HYPK: variants seen among roughly 807,000 people sequenced by gnomAD.
HYPK encodes the protein huntingtin-interacting protein K.
A neutral mutation model predicts 13.9 loss-of-function variants in HYPK; 9 were observed. The ratio of observed to expected loss-of-function variants is 0.65; its 90% CI spans 0.39 to 1.13. The LOEUF is 1.13. Ranked by LOEUF, HYPK falls within the 50% of genes most tolerant of loss-of-function variation. The pLI, the probability that HYPK is intolerant of heterozygous loss-of-function variation, is 0.01. For missense variants in HYPK, 138 were observed against 157.6 expected (o/e 0.88, Z 0.67); for synonymous variants, 76 against 57.0 (o/e 1.33, Z -1.50).
Position 43,801,837 on chromosome 15 carries a change from T to C in HYPK, c.*31T>C. 6.3e-7 allele frequency: 1 copy of C among 1,592,854 alleles called. No individual in the cohort carries two copies. Among genetic ancestry groups the C allele is most frequent in the Non-Finnish European group, 8.6e-7 (1 of 1,162,002 alleles). ...GCTTTCTCAAATATACCTACTGGAT[T>C]AATTTATGGCAATAAAATTTTTTTT... On this transcript the variant is annotated 3_prime_UTR_variant, in exon 4 of 4. Coordinates refer to ENST00000442995, the MANE Select transcript of HYPK (RefSeq NM_016400.4).
Position 43,801,701 on chromosome 15 carries a change from T to C in HYPK, c.271-10T>C, listed in dbSNP as rs370699979. ...CCTGGGAACCTATGTAACATGATTT[T>C]TTTCTGCAGATGACTGAGATGGAGA... On this transcript the variant is annotated splice_polypyrimidine_tract_variant and intron_variant, in intron 3 of 3. Coordinates refer to ENST00000442995, the MANE Select transcript of HYPK (RefSeq NM_016400.4). 1.2e-5 allele frequency: 20 copies of C among 1,613,988 alleles called. No individual in the cohort carries two copies. The highest frequency in any genetic ancestry group is 1.4e-5 in the Non-Finnish European group (17 of 1,179,984).
rs1372195861 is a variant in HYPK at position 43,801,696 on chromosome 15, G to A, written c.271-15G>A. On this transcript the variant is annotated splice_polypyrimidine_tract_variant and intron_variant, in intron 3 of 3. Coordinates refer to ENST00000442995, the MANE Select transcript of HYPK (RefSeq NM_016400.4). The stretch of plus-strand genomic sequence containing the variant: ...TAATGCCTGGGAACCTATGTAACAT[G>A]ATTTTTTTCTGCAGATGACTGAGAT... 2 of 1,614,036 alleles carry A rather than the reference G, an allele frequency of 1.2e-6. No individual in the cohort carries two copies. The highest frequency in any genetic ancestry group is 8.5e-7 in the Non-Finnish European group (1 of 1,179,914).
chr15:43,803,348 G>GTGCTAC lies in HYPK; in HGVS notation c.*1546_*1551dup, dbSNP rs372770081. Among the ~76,000 whole-genome samples the GTGCTAC allele has an allele frequency of 1.3e-5, 2 of 152,064 alleles. No individual in the cohort carries two copies. The highest frequency in any genetic ancestry group is 4.8e-5 in the African/African-American group (2 of 41,406). ...GTTGAGGCTGCAGTGAGCTGAGATT[G>GTGCTAC]TGCTACTGCACTCCAGCCTGGGCGA... On this transcript the variant is annotated 3_prime_UTR_variant, in exon 4 of 4. Transcript: ENST00000442995.
In HYPK at chr15:43,800,660, CTG is replaced by C. The variant is rs774320585; in HGVS notation, c.39_40del (p.Glu14AspfsTer15). ...GGGGATGTGGAGCTGGAGTTGGAGA[CTG>C]AGACCAGTGGACCAGAGCGGCCTCC... On this transcript the variant is annotated frameshift_variant, in exon 1 of 4. Transcript: ENST00000442995. LOFTEE classifies it high-confidence loss of function. 3.7e-6 allele frequency: 6 copies of C among 1,614,106 alleles called. No homozygotes were observed. The highest frequency in any genetic ancestry group is 3.3e-5 in the Admixed American group (2 of 60,006).
intron 3 of HYPK, 23 bp downstream of exon 3, chr15:43,801,592 T>C (rs754646498): frequency 1.2e-6 from 2 of 1,611,774 alleles, no homozygotes; most frequent in Admixed American, 3.3e-5. Context: ...GCCTAACTAG[T>C]GTATGCGGAG....
chr15:43,802,277 AAT>A lies in HYPK; in HGVS notation c.*473_*474del, dbSNP rs200875229. ...GCTTGATTTTGAGTGATTAAAAAAA[AAT>A]AATTTGGCTGGGTGCTGTGGCTCAC... is the stretch of plus-strand genomic sequence containing the variant. On this transcript the variant is annotated 3_prime_UTR_variant, in exon 4 of 4. Coordinates refer to ENST00000442995, the MANE Select transcript of HYPK (RefSeq NM_016400.4). 9.4e-3 allele frequency: 1,460 copies of A among 156,110 alleles called. 18 individuals carry two copies. The highest frequency in any genetic ancestry group is 0.033 in the African/African-American group (1,361 of 41,576). The allele number at this position is 156,110 out of a possible 1,614,324, so 9.7% of individuals were successfully genotyped here.
At position 43,800,789 on chromosome 15, in the gene HYPK, G is replaced by T. The variant is rs756144346; in HGVS notation, c.162+5G>T. 5 of 1,604,892 alleles carry T rather than the reference G, an allele frequency of 3.1e-6. No individual in the cohort carries two copies. Among genetic ancestry groups the T allele is most frequent in the Non-Finnish European group, 4.3e-6 (5 of 1,174,532 alleles). ...CAGAGTTCCAATCTGGAGACGGTAA[G>T]GTTGGCCAAGAGCATGTCGGGGCGG... On this transcript the variant is annotated splice_donor_5th_base_variant and intron_variant, in intron 1 of 3. Transcript: ENST00000442995.
Position 43,800,599 on chromosome 15 carries a change from A to T in HYPK, c.-24A>T. The T allele has an allele frequency of 6.2e-7, 1 of 1,613,792 alleles. No individual in the cohort carries two copies. Among genetic ancestry groups the T allele is most frequent in the Non-Finnish European group, 8.5e-7 (1 of 1,179,904 alleles). ...CGGAAGTCGGCGTGAGGTGGGGCTT[A>T]TGCGGCGGCGTGGTGAAATAGATAT... is the stretch of plus-strand genomic sequence containing the variant. On this transcript the variant is annotated 5_prime_UTR_variant, in exon 1 of 4. The change abolishes an upstream ATG in the 5' untranslated region. Coordinates refer to ENST00000442995, the MANE Select transcript of HYPK (RefSeq NM_016400.4).
chr15:43,801,242 C>A, intron 2 of HYPK, 55 bp downstream of exon 2: 1 of 1,452,448 alleles, frequency 6.9e-7, no homozygotes, highest in Non-Finnish European at 9.7e-7. Flanking sequence ...GGTCCCCAGA[C>A]AAAAATAAAA....
At position 43,800,637 on chromosome 15, in the gene HYPK, G is replaced by T; in HGVS notation, c.15G>T (p.Gly5=). Residue 5 remains glycine (G), a synonymous_variant, in exon 1 of 4, where the codon GGG becomes GGT. Coordinates refer to ENST00000442995, the MANE Select transcript of HYPK (RefSeq NM_016400.4). MATE[G]DVELELETET... is the part of the protein sequence containing the mutation. ...GTGAAATAGATATGGCGACCGAGGG[G>T]GATGTGGAGCTGGAGTTGGAGACTG... is the stretch of plus-strand genomic sequence containing the variant. The T allele has an allele frequency of 6.2e-7, 1 of 1,614,152 alleles. No homozygotes were observed. Among genetic ancestry groups the T allele is most frequent in the Non-Finnish European group, 8.5e-7 (1 of 1,180,032 alleles).
At position 43,803,667 on chromosome 15, in the gene HYPK, G is replaced by A. The variant is rs563639054; in HGVS notation, c.*1861G>A. On this transcript the variant is annotated 3_prime_UTR_variant, in exon 4 of 4. Transcript: ENST00000442995. ...AAATTAGCTGGGTGTGGTGGTGGAC[G>A]CCTGTAATTCCAGCTACTAGGGAGG... is the stretch of plus-strand genomic sequence containing the variant. Among the ~76,000 whole-genome samples, 30 of 151,530 alleles carry A rather than the reference G, an allele frequency of 2.0e-4. No homozygotes were observed. Among genetic ancestry groups the A allele is most frequent in the Non-Finnish European group, 4.1e-4 (28 of 67,950 alleles).
Position 43,800,602 on chromosome 15 carries a change from C to A in HYPK, c.-21C>A. ...AAGTCGGCGTGAGGTGGGGCTTATG[C>A]GGCGGCGTGGTGAAATAGATATGGC... On this transcript the variant is annotated 5_prime_UTR_variant, in exon 1 of 4. Coordinates refer to ENST00000442995, the MANE Select transcript of HYPK (RefSeq NM_016400.4). 1.3e-5 allele frequency: 21 copies of A among 1,613,472 alleles called. No individual in the cohort carries two copies. Among genetic ancestry groups the A allele is most frequent in the Non-Finnish European group, 1.8e-5 (21 of 1,179,788 alleles).
Position 43,804,014 on chromosome 15 carries a change from G to C in HYPK, c.*2208G>C, listed in dbSNP as rs765808159. The stretch of plus-strand genomic sequence containing the variant: ...AAAAATACAAAAATTAGCCAGGCAT[G>C]GTGGCAGGCGCCTGTAGTCCCAGCT... On this transcript the variant is annotated 3_prime_UTR_variant, in exon 4 of 4. Coordinates refer to ENST00000442995, the MANE Select transcript of HYPK (RefSeq NM_016400.4). Among the ~76,000 whole-genome samples, 1 of 151,940 alleles carries C rather than the reference G, an allele frequency of 6.6e-6. No individual in the cohort carries two copies. The highest frequency in any genetic ancestry group is 1.5e-5 in the Non-Finnish European group (1 of 67,992).
chr15:43,801,596 T>A (rs369712513), intron 3 of HYPK, 27 bp downstream of exon 3: 52 of 1,611,046 alleles, frequency 3.2e-5, no homozygotes, highest in Non-Finnish European at 4.2e-5. Context: ...AACTAGTGTA[T>A]GCGGAGGGGA....
chr15:43,800,443 CTG>C, upstream of HYPK: 1 of 835,138 alleles, frequency 1.2e-6, no homozygotes, highest in South Asian at 1.5e-5. Flanking sequence ...GCACAAAACA[CTG>C]TACAAACCCG....
rs1033328938 is a variant in HYPK at position 43,800,642 on chromosome 15, T to G, written c.20T>G (p.Val7Gly). ...ATAGATATGGCGACCGAGGGGGATG[T>G]GGAGCTGGAGTTGGAGACTGAGACC... MATEGD[V>G]ELELETETSG... Residue 7 changes from valine (V) to glycine (G), a missense_variant, in exon 1 of 4, where the codon GTG becomes GGG. By Grantham distance (109) the Val-to-Gly change is moderately radical. Around this residue, in one of 3 missense-constraint regions of HYPK, gnomAD observed 43 missense variants for 30.4 expected, o/e 1.41. Transcript: ENST00000442995. 1.2e-6 allele frequency: 2 copies of G among 1,613,864 alleles called. No homozygotes were observed. Among genetic ancestry groups the G allele is most frequent in the Non-Finnish European group, 1.7e-6 (2 of 1,179,988 alleles).
In HYPK at chr15:43,801,756, C is replaced by A. The variant is rs202106711; in HGVS notation, c.316C>A (p.Arg106=). The A allele has an allele frequency of 4.3e-6, 7 of 1,614,184 alleles. No individual in the cohort carries two copies. The highest frequency in any genetic ancestry group is 1.1e-5 in the South Asian group (1 of 91,082). Residue 106 remains arginine, a synonymous_variant, in exon 4 of 4, where the codon CGG becomes AGG. Transcript: ENST00000442995. The part of the protein sequence containing the change: ...ISRAAAERSL[R]EHMGNVVEAL... Reference sequence around the variant, plus strand: ...TCGAGCAGCAGCAGAACGCAGTTTGCGGGAACACATGGGCAACGTGGTAGA... The same window carrying A: ...TCGAGCAGCAGCAGAACGCAGTTTGAGGGAACACATGGGCAACGTGGTAGA...
In HYPK at chr15:43,803,232, TAAA is replaced by T. The variant is rs113386586; in HGVS notation, c.*1437_*1439del. ...AGCATGACCTTGTCTCTACTAAAAT[TAAA>T]AAAAAAAAAAGCCAGGCATGGTGGC... is the stretch of plus-strand genomic sequence containing the variant. On this transcript the variant is annotated 3_prime_UTR_variant, in exon 4 of 4. Transcript: ENST00000442995. 2.6e-5 allele frequency among the ~76,000 whole-genome samples: 3 copies of T among 114,748 alleles called. No homozygotes were observed. The highest frequency in any genetic ancestry group is 2.5e-4 in the East Asian group (1 of 3,952). The allele number at this position is 114,748 out of a possible 152,430, so 75.3% of individuals were successfully genotyped here.
At position 43,801,802 on chromosome 15, in the gene HYPK, A is replaced by T; in HGVS notation, c.362A>T (p.Asn121Ile). 1 of 1,613,992 alleles carries T rather than the reference A, an allele frequency of 6.2e-7. No homozygotes were observed. Among genetic ancestry groups the T allele is most frequent in the Non-Finnish European group, 8.5e-7 (1 of 1,179,864 alleles). The change falls in exon 4 of 4, where the codon AAC (asparagine) becomes ATC (isoleucine). Residue 121 changes from asparagine (N) to isoleucine (I), a missense_variant. Asn to Ile is a moderately radical substitution (Grantham distance 149). Coordinates refer to ENST00000442995, the MANE Select transcript of HYPK (RefSeq NM_016400.4). Reference sequence around the variant, plus strand: ...GTAGAGGCGCTTATTGCCCTAACCAACTGATGCGTGCTTTCTCAAATATAC... The same window carrying T: ...GTAGAGGCGCTTATTGCCCTAACCATCTGATGCGTGCTTTCTCAAATATAC... ...NVVEALIALT[N>I]
Sources: gnomAD v4.1 joint callset for allele counts (sites outside exome capture counted in the v4.1 genomes callset) on GRCh38, gnomAD v4.1.1 for gene constraint, gnomAD v4.1.1 regional missense constraint, MANE v1.5 for transcripts, NCBI Gene and HGNC (gene_info 2026-07-23, HGNC 2026-07-21) for gene names.